CMSS1: variants seen among roughly 807,000 people sequenced by gnomAD.
The protein encoded by CMSS1 is cms1 ribosomal small subunit homolog.
A neutral mutation model predicts 43.5 loss-of-function variants in CMSS1; 33 were observed. That is an observed-to-expected ratio of 0.76 (90% confidence interval 0.57 to 1.01). The LOEUF is 1.01. Among genes scored for constraint, CMSS1 ranks in the 50% least tolerant of loss-of-function variants. The probability of loss-of-function intolerance (pLI) is 0.00; values close to 1 mark genes in which losing one functional copy is unlikely to be tolerated. For missense variants in CMSS1, 313 were observed against 326.4 expected (o/e 0.96, Z 0.32); for synonymous variants, 115 against 117.2 (o/e 0.98, Z 0.12).
At chr3:99,993,682 A>G (rs1034654141) in intron 1 of CMSS1, among the ~76,000 whole-genome samples, 3 of 152,204 alleles carry the variant, frequency 2.0e-5, no homozygotes, top group African/African-American at 7.2e-5. Context: ...GATTTTTATC[A>G]TAAAAGGATG....
chr3:99,983,462 GTGTATATATATA>G (rs1353007515), intron 1 of CMSS1, among the ~76,000 whole-genome samples: 10 of 11,986 alleles, frequency 8.3e-4, no homozygotes, highest in South Asian at 2.9e-3. Context: ...ATATATATGT[GTGTATATATATA>G]TATATATATA....
intron 1 of CMSS1, among the ~76,000 whole-genome samples, chr3:99,904,402 A>G (rs186096643): frequency 2.0e-5 from 3 of 152,340 alleles, no homozygotes; most frequent in East Asian, 3.9e-4. Flanking sequence ...TTTGGTTTCT[A>G]TGAAGGCAGT....
At chr3:99,847,022 A>G (rs1357607538) in intron 1 of CMSS1, among the ~76,000 whole-genome samples, 2 of 152,224 alleles carry the variant, frequency 1.3e-5, no homozygotes, top group Admixed American at 1.3e-4. Flanking sequence ...CATGAGGCAG[A>G]TATCAGAATT....
chr3:100,048,193 G>T (rs1422719396), intron 1 of CMSS1, among the ~76,000 whole-genome samples: 1 of 152,162 alleles, frequency 6.6e-6, no homozygotes, highest in Admixed American at 6.5e-5. Flanking sequence ...TCAGGGAAGG[G>T]GACAGATAGG....
chr3:99,893,055 G>C (rs1706136166), intron 1 of CMSS1, among the ~76,000 whole-genome samples: 2 of 151,834 alleles, frequency 1.3e-5, no homozygotes, highest in Admixed American at 1.3e-4. Context: ...ATGATGCTCT[G>C]TGTGTCTGTT....
At chr3:100,002,508 C>A (rs1709871818) in intron 1 of CMSS1, among the ~76,000 whole-genome samples, 1 of 152,198 alleles carries the variant, frequency 6.6e-6, no homozygotes, top group African/African-American at 2.4e-5. Context: ...GGTACACACT[C>A]TTCTAGTAAT....
At chr3:99,950,243 G>C (rs1708136485) in intron 1 of CMSS1, among the ~76,000 whole-genome samples, 1 of 152,138 alleles carries the variant, frequency 6.6e-6, no homozygotes, top group South Asian at 2.1e-4. Context: ...TCCATGCTAT[G>C]TATCGGAAAT....
At chr3:99,866,547 G>A (rs912990661) in intron 1 of CMSS1, among the ~76,000 whole-genome samples, 12 of 152,068 alleles carry the variant, frequency 7.9e-5, no homozygotes, top group African/African-American at 1.7e-4. Flanking sequence ...TTGGGTCCTC[G>A]ATTTTAGCTG....
chr3:99,933,666 T>G (rs1048553809), intron 1 of CMSS1, among the ~76,000 whole-genome samples: 4 of 152,196 alleles, frequency 2.6e-5, no homozygotes, highest in African/African-American at 9.7e-5. Flanking sequence ...ATATTTAATA[T>G]AGGTAAATAT....
At chr3:100,036,223 C>T (rs1258094906) in intron 1 of CMSS1, among the ~76,000 whole-genome samples, 3 of 152,304 alleles carry the variant, frequency 2.0e-5, no homozygotes, top group African/African-American at 4.8e-5. Flanking sequence ...GCAATGAACA[C>T]ATGCAACACA....
At chr3:100,164,121 A>T (rs574106545) in intron 4 of CMSS1, among the ~76,000 whole-genome samples, 5 of 152,338 alleles carry the variant, frequency 3.3e-5, no homozygotes, top group African/African-American at 1.2e-4. Context: ...CTAAGCCCAG[A>T]CAGTTCCAAT....
In CMSS1 at chr3:99,924,150, T is replaced by C. The variant is rs74770467; in HGVS notation, c.64+106107T>C. 3.2e-4 allele frequency: 368 copies of C among 1,164,326 alleles called. No homozygotes were observed. In the African/African-American group the frequency reaches 5.1e-3, roughly 16 times the overall value. 72.1% of individuals were successfully genotyped at this position (1,164,326 alleles called of 1,614,324 possible). ...GAGAACAGAGACTGTGTCATATTTA[T>C]CTTTGTATCCCTGAGACCTGGTACA... On this transcript the variant is annotated intron_variant, in intron 1 of 9. Coordinates refer to ENST00000421999, the MANE Select transcript of CMSS1 (RefSeq NM_032359.4).
At chr3:99,971,632 G>C (rs1382197776) in intron 1 of CMSS1, among the ~76,000 whole-genome samples, 1 of 152,188 alleles carries the variant, frequency 6.6e-6, no homozygotes, top group Non-Finnish European at 1.5e-5. Flanking sequence ...TGGTACCAGA[G>C]TATAGGGACA....
chr3:100,111,858 T>A (rs1042773917), intron 1 of CMSS1, among the ~76,000 whole-genome samples: 2 of 152,228 alleles, frequency 1.3e-5, no homozygotes, highest in African/African-American at 4.8e-5. Flanking sequence ...ATTCAATTAT[T>A]TGATGCTGAG....
At chr3:99,938,192 A>G (rs905574816) in intron 1 of CMSS1, among the ~76,000 whole-genome samples, 16 of 152,196 alleles carry the variant, frequency 1.1e-4, no homozygotes, top group African/African-American at 3.1e-4. Context: ...TTTCGATCAT[A>G]AATACCCTGA....
intron 1 of CMSS1, among the ~76,000 whole-genome samples, chr3:100,104,044 G>T (rs1169196201): frequency 6.6e-6 from 1 of 152,120 alleles, no homozygotes; most frequent in African/African-American, 2.4e-5. Context: ...CACCAAATTG[G>T]GGCTTCTAGC....
At chr3:99,842,892 C>T (rs1015911544) in intron 1 of CMSS1, among the ~76,000 whole-genome samples, 1 of 152,152 alleles carries the variant, frequency 6.6e-6, no homozygotes, top group African/African-American at 2.4e-5. Flanking sequence ...CCAGTTAACT[C>T]GCTAGACTCC....
intron 1 of CMSS1, among the ~76,000 whole-genome samples, chr3:100,029,009 A>G (rs943599132): frequency 5.9e-5 from 9 of 152,132 alleles, no homozygotes; most frequent in African/African-American, 2.2e-4. Context: ...CCTAAACTCA[A>G]TTCAATTATT....
chr3:99,817,893 G>T lies in CMSS1; in HGVS notation c.-87G>T. ...TAGCGGGAGCTCCGCGTGTAGCTAC[G>T]CCGGCCGCCTGGCTTTGAGACAACG... On this transcript the variant is annotated 5_prime_UTR_variant, in exon 1 of 10. Coordinates refer to ENST00000421999, the MANE Select transcript of CMSS1 (RefSeq NM_032359.4). 1.4e-6 allele frequency: 2 copies of T among 1,425,810 alleles called. No homozygotes were observed. The allele number at this position is 1,425,810 out of a possible 1,614,324, so 88.3% of individuals were successfully genotyped here.
Sources: gnomAD v4.1 joint callset for allele counts (sites outside exome capture counted in the v4.1 genomes callset) on GRCh38, gnomAD v4.1.1 for gene constraint, MANE v1.5 for transcripts, NCBI Gene and HGNC (gene_info 2026-07-23, HGNC 2026-07-21) for gene names.